The following CCDC149 variants were observed in gnomAD, a reference collection of about 807,000 sequenced individuals.
CCDC149 encodes the protein coiled-coil domain-containing protein 149.
CCDC149 carries 45 observed loss-of-function variants against 59.9 expected under a neutral mutation model. That is an observed-to-expected ratio of 0.75 (90% CI 0.59 to 0.96). The LOEUF (loss-of-function observed/expected upper bound fraction) is 0.96, where lower values mean the gene tolerates loss of function less well. Among genes scored for constraint, CCDC149 ranks in the 40% least tolerant of loss-of-function variants. The pLI is 0.00. For synonymous variants in CCDC149, 245 were observed against 260.6 expected, an observed-to-expected ratio of 0.94 and a Z score of 0.58; for missense variants, 584 against 664.7, an observed-to-expected ratio of 0.88 and a Z score of 1.33.
intron 1 of CCDC149, among the ~76,000 whole-genome samples, chr4:24,947,718 A>G (rs988093715): frequency 2.6e-5 from 4 of 152,252 alleles, no homozygotes; most frequent in African/African-American, 9.6e-5. Flanking sequence ...TGGGCTTCAT[A>G]TAAAAAATAC....
chr4:24,838,432 A>C (rs904517938), intron 4 of CCDC149, among the ~76,000 whole-genome samples, 160 bp from the exon 5 acceptor site: 1 of 152,242 alleles, frequency 6.6e-6, no homozygotes, highest in Non-Finnish European at 1.5e-5. Flanking sequence ...ATTTTTTAAA[A>C]AATTAAAAAT....
chr4:24,926,684 C>CA (rs1722440670), intron 1 of CCDC149, among the ~76,000 whole-genome samples: 1 of 152,146 alleles, frequency 6.6e-6, no homozygotes, highest in African/African-American at 2.4e-5. Flanking sequence ...CAGATTATGT[C>CA]GGTCAGGAAT....
At chr4:24,896,949 G>C (rs1720879053) in intron 1 of CCDC149, among the ~76,000 whole-genome samples, 1 of 152,140 alleles carries the variant, frequency 6.6e-6, no homozygotes, top group African/African-American at 2.4e-5. Context: ...ATCTCTTTTA[G>C]ATTTTTCCAC....
chr4:24,860,419 C>T (rs1015648395), intron 3 of CCDC149, among the ~76,000 whole-genome samples: 2 of 152,166 alleles, frequency 1.3e-5, no homozygotes, highest in African/African-American at 4.8e-5. Flanking sequence ...GGATCCTCAT[C>T]TCTCACCTTA....
chr4:24,859,458 A>C (rs932281636), intron 3 of CCDC149, among the ~76,000 whole-genome samples: 2 of 152,170 alleles, frequency 1.3e-5, no homozygotes, highest in Non-Finnish European at 2.9e-5. Context: ...AAGGTAATAA[A>C]AGCTATCTAT....
intron 1 of CCDC149, among the ~76,000 whole-genome samples, chr4:24,979,421 A>G (rs1401961043): frequency 6.6e-6 from 1 of 152,194 alleles, no homozygotes; most frequent in Non-Finnish European, 1.5e-5. Context: ...CTTAGAAGAA[A>G]GAGAGAAGAC....
intron 1 of CCDC149, among the ~76,000 whole-genome samples, chr4:24,885,147 C>T (rs944544974): frequency 1.3e-5 from 2 of 152,056 alleles, no homozygotes; most frequent in Admixed American, 1.3e-4. Flanking sequence ...AGACGGGTGG[C>T]CAGGTCAGAA....
intron 1 of CCDC149, among the ~76,000 whole-genome samples, chr4:24,893,613 C>CTTT (rs3066508): frequency 0.014 from 897 of 65,748 alleles, 208 homozygotes; most frequent in Non-Finnish European, 0.016. Context: ...AAAATACAGA[C>CTTT]TTTTTTTTTT....
chr4:24,877,523 T>G (rs1440326105), intron 1 of CCDC149, among the ~76,000 whole-genome samples: 1 of 152,106 alleles, frequency 6.6e-6, no homozygotes, highest in Non-Finnish European at 1.5e-5. Context: ...CCCAAAAAGT[T>G]ATTAAAAATA....
At chr4:24,839,777 C>T (rs1342607621) in intron 4 of CCDC149, among the ~76,000 whole-genome samples, 1 of 152,174 alleles carries the variant, frequency 6.6e-6, no homozygotes, top group African/African-American at 2.4e-5. Context: ...GAGTGACTTT[C>T]AAAAGTTATG....
At chr4:24,884,918 C>T (rs976951014) in intron 1 of CCDC149, among the ~76,000 whole-genome samples, 1 of 151,936 alleles carries the variant, frequency 6.6e-6, no homozygotes, top group Non-Finnish European at 1.5e-5. Context: ...TGAAATCGAT[C>T]GGGAGGGAGG....
At chr4:24,960,253 AAT>A (rs1239035921) in intron 1 of CCDC149, among the ~76,000 whole-genome samples, 1 of 152,174 alleles carries the variant, frequency 6.6e-6, no homozygotes, top group Non-Finnish European at 1.5e-5. Flanking sequence ...CAAAAAAGAT[AAT>A]ATAATTCTTT....
intron 1 of CCDC149, among the ~76,000 whole-genome samples, chr4:24,883,695 G>C (rs751340041): frequency 6.6e-6 from 1 of 152,082 alleles, no homozygotes; most frequent in African/African-American, 2.4e-5. Flanking sequence ...TATGTTAAAG[G>C]CTTTATAAAC....
At chr4:24,876,969 A>G (rs1021879433) in intron 1 of CCDC149, among the ~76,000 whole-genome samples, 2 of 152,232 alleles carry the variant, frequency 1.3e-5, no homozygotes, top group African/African-American at 4.8e-5. Flanking sequence ...ACAGGTAGAC[A>G]GCTGGACTCC....
intron 3 of CCDC149, among the ~76,000 whole-genome samples, chr4:24,855,838 T>C (rs1341872809): frequency 2.0e-5 from 3 of 152,170 alleles, no homozygotes; most frequent in African/African-American, 7.2e-5. Context: ...CAAAGAAACA[T>C]GAGACACTGT....
intron 1 of CCDC149, among the ~76,000 whole-genome samples, chr4:24,950,749 A>G (rs1325537058): frequency 2.0e-5 from 3 of 152,224 alleles, no homozygotes; most frequent in African/African-American, 7.2e-5. Flanking sequence ...CGTATTCAAT[A>G]AACACATTTT....
chr4:24,835,649 C>T lies in CCDC149; in HGVS notation c.736-617G>A, dbSNP rs375853617. Among the ~76,000 whole-genome samples, 126 of 152,252 alleles carry T rather than the reference C, an allele frequency of 8.3e-4. 1 individual carries two copies. The South Asian group carries it at 0.025, about 30-fold the overall frequency. On this transcript the variant is annotated intron_variant, in intron 7 of 12. Coordinates refer to ENST00000635206, the MANE Select transcript of CCDC149 (RefSeq NM_001330643.2). Reference sequence around the variant, plus strand: ...AATTATACAACTTTAAGAGCTATATCCTTCTTTGGCTGAATGCATATAGAT... The same window carrying T: ...AATTATACAACTTTAAGAGCTATATTCTTCTTTGGCTGAATGCATATAGAT...
At chr4:24,833,593 C>T (rs958666439) in intron 8 of CCDC149, among the ~76,000 whole-genome samples, 1 of 152,080 alleles carries the variant, frequency 6.6e-6, no homozygotes, top group Non-Finnish European at 1.5e-5. Flanking sequence ...CACTGCACTC[C>T]AGCCTGGGCA....
chr4:24,973,386 G>A (rs996403404), intron 1 of CCDC149, among the ~76,000 whole-genome samples: 1 of 152,164 alleles, frequency 6.6e-6, no homozygotes, highest in African/African-American at 2.4e-5. Flanking sequence ...TCCCATGGGT[G>A]TACACATATG....
Sources: gnomAD v4.1 joint callset for allele counts (sites outside exome capture counted in the v4.1 genomes callset) on GRCh38, gnomAD v4.1.1 for gene constraint, MANE v1.5 for transcripts, NCBI Gene and HGNC (gene_info 2026-07-23, HGNC 2026-07-21) for gene names.